CYP19A1: variants seen among roughly 807,000 people sequenced by gnomAD.
CYP19A1 encodes the protein cytochrome P450 family 19 subfamily A member 1.
CYP19A1 carries 32 observed loss-of-function variants against 44.4 expected under a neutral mutation model. The ratio of observed to expected loss-of-function variants is 0.72; its 90% CI spans 0.54 to 0.97. The LOEUF (loss-of-function observed/expected upper bound fraction) is 0.97, where lower values mean the gene tolerates loss of function less well. CYP19A1 is among the 50% of genes least tolerant of loss of function. The pLI is 0.00. For missense variants in CYP19A1, 598 were observed against 637.8 expected (o/e 0.94, Z 0.67); for synonymous variants, 212 against 215.6 (o/e 0.98, Z 0.14).
intron 1 of CYP19A1, among the ~76,000 whole-genome samples, chr15:51,330,922 A>G: frequency 6.6e-6 from 1 of 152,176 alleles, no homozygotes. Flanking sequence ...GGATGGGTTC[A>G]ATGTTTGGTG....
chr15:51,258,814 CTTTTT>C (rs2034609789), intron 1 of CYP19A1, among the ~76,000 whole-genome samples: 1 of 152,252 alleles, frequency 6.6e-6, no homozygotes, highest in African/African-American at 2.4e-5. Flanking sequence ...GAAGACTTTT[CTTTTT>C]AACATGTAAA....
chr15:51,323,317 A>G (rs1340719537), intron 1 of CYP19A1, among the ~76,000 whole-genome samples: 2 of 152,218 alleles, frequency 1.3e-5, no homozygotes, highest in African/African-American at 4.8e-5. Context: ...ACACTCAGGC[A>G]TAATACTTCC....
At chr15:51,289,250 G>T (rs904060401) in intron 1 of CYP19A1, among the ~76,000 whole-genome samples, 6 of 152,150 alleles carry the variant, frequency 3.9e-5, no homozygotes, top group African/African-American at 1.4e-4. Context: ...CAAATGCCTT[G>T]TTAGACTGTA....
chr15:51,257,132 T>C (rs560113894), intron 1 of CYP19A1, among the ~76,000 whole-genome samples: 4 of 152,372 alleles, frequency 2.6e-5, no homozygotes, highest in Middle Eastern at 6.8e-3. Flanking sequence ...ACTGCCCTCG[T>C]TGCTGCTGGT....
At chr15:51,333,971 T>C (rs1401788169) in intron 1 of CYP19A1, among the ~76,000 whole-genome samples, 1 of 152,220 alleles carries the variant, frequency 6.6e-6, no homozygotes, top group African/African-American at 2.4e-5. Context: ...ACAGTTCCCC[T>C]ACATGGTTTT....
chr15:51,262,994 A>G (rs764385492), intron 1 of CYP19A1, among the ~76,000 whole-genome samples: 8 of 152,248 alleles, frequency 5.3e-5, no homozygotes. Context: ...TAAGATTTCA[A>G]GAAAGATTAA....
At chr15:51,276,141 G>A (rs1356616329) in intron 1 of CYP19A1, among the ~76,000 whole-genome samples, 2 of 152,184 alleles carry the variant, frequency 1.3e-5, no homozygotes, top group Non-Finnish European at 2.9e-5. Context: ...GTGAATGTAA[G>A]TGCGTGTCTC....
At chr15:51,258,980 G>A (rs1393210511) in intron 1 of CYP19A1, among the ~76,000 whole-genome samples, 1 of 152,196 alleles carries the variant, frequency 6.6e-6, no homozygotes, top group East Asian at 1.9e-4. Flanking sequence ...TGGAGGTTCA[G>A]TGTTGCCCCC....
In CYP19A1 at chr15:51,336,964, AGGCAG is replaced by A. The variant is rs562629036; in HGVS notation, c.-39+1526_-39+1530del. Among the ~76,000 whole-genome samples the A allele has an allele frequency of 3.3e-3, 498 of 151,900 alleles. 1 individual carries two copies. Among genetic ancestry groups the A allele is most frequent in the Non-Finnish European group, 4.2e-3 (286 of 67,984 alleles). On this transcript the variant is annotated intron_variant, in intron 1 of 9. Coordinates refer to ENST00000396402, the MANE Select transcript of CYP19A1 (RefSeq NM_000103.4). ...GTAGCAGCCCATTCTGTGAAGTATC[AGGCAG>A]GGCAGGCTATGCAGGCATATCTGCC...
chr15:51,211,913 A>G (rs1324777199), intron 9 of CYP19A1, among the ~76,000 whole-genome samples: 1 of 151,850 alleles, frequency 6.6e-6, no homozygotes, highest in African/African-American at 2.4e-5. Context: ...TTTTGGTCTC[A>G]TTTGATTTTC....
intron 5 of CYP19A1, 167 bp downstream of exon 5, chr15:51,222,182 A>T: frequency 8.0e-7 from 1 of 1,256,978 alleles, no homozygotes; most frequent in Non-Finnish European, 1.1e-6. Context: ...TATATTTTAT[A>T]AGTGAACAAA....
At chr15:51,261,796 A>T (rs571821635) in intron 1 of CYP19A1, among the ~76,000 whole-genome samples, 2 of 152,254 alleles carry the variant, frequency 1.3e-5, no homozygotes, top group African/African-American at 4.8e-5. Flanking sequence ...CCTCCCAGGG[A>T]GTAAGAATAG....
At chr15:51,294,272 G>A (rs533995485) in intron 1 of CYP19A1, among the ~76,000 whole-genome samples, 4 of 140,146 alleles carry the variant, frequency 2.9e-5, no homozygotes, top group East Asian at 4.2e-4. Context: ...AGTGAGGAGC[G>A]TCTCTGCCCG....
chr15:51,224,597 C>A lies in CYP19A1; in HGVS notation c.452-2072G>T, dbSNP rs981345077. Among the ~76,000 whole-genome samples the A allele has an allele frequency of 2.0e-5, 3 of 152,252 alleles. No homozygotes were observed. The East Asian group carries it at 5.8e-4, about 29-fold the overall frequency. ...ACATTTCTTGAAACCACAGCCTCCC[C>A]TCCACCCTTCCTGCATCACTGCAGT... On this transcript the variant is annotated intron_variant, in intron 4 of 9. Transcript: ENST00000396402.
At chr15:51,229,996 T>C (rs1240529284) in intron 3 of CYP19A1, among the ~76,000 whole-genome samples, 1 of 152,232 alleles carries the variant, frequency 6.6e-6, no homozygotes, top group Non-Finnish European at 1.5e-5. Context: ...ACCTTTAAAA[T>C]TCTTGTGTCC....
intron 5 of CYP19A1, among the ~76,000 whole-genome samples, chr15:51,219,081 C>T (rs1409082528): frequency 6.6e-6 from 1 of 152,194 alleles, no homozygotes; most frequent in African/African-American, 2.4e-5. Context: ...CACATTTTAA[C>T]TTCATTTGGT....
intron 5 of CYP19A1, among the ~76,000 whole-genome samples, chr15:51,219,382 G>C (rs28584715): frequency 2.8e-3 from 429 of 152,282 alleles, no homozygotes; most frequent in Non-Finnish European, 4.4e-3. Context: ...ACAAAAGAGA[G>C]AACAGACATA....
At chr15:51,260,380 T>C (rs964018370) in intron 1 of CYP19A1, among the ~76,000 whole-genome samples, 1 of 152,244 alleles carries the variant, frequency 6.6e-6, no homozygotes, top group Non-Finnish European at 1.5e-5. Context: ...TGCTATCATA[T>C]GCATCCATTG....
At chr15:51,271,069 C>A (rs1408409222) in intron 1 of CYP19A1, among the ~76,000 whole-genome samples, 1 of 151,930 alleles carries the variant, frequency 6.6e-6, no homozygotes, top group Non-Finnish European at 1.5e-5. Context: ...TCTCTGCTGC[C>A]TTTGCAGAGA....
Sources: gnomAD v4.1 joint callset for allele counts (sites outside exome capture counted in the v4.1 genomes callset) on GRCh38, gnomAD v4.1.1 for gene constraint, MANE v1.5 for transcripts, NCBI Gene and HGNC (gene_info 2026-07-23, HGNC 2026-07-21) for gene names.